The following TMEM182 variants were observed in gnomAD, a reference collection of about 807,000 sequenced individuals.
TMEM182 encodes transmembrane protein 182.
In TMEM182, 20 loss-of-function variants were observed where a neutral mutation model predicts 26.8. The observed-to-expected ratio is 0.75, with a 90% CI of 0.53 to 1.09. The LOEUF (loss-of-function observed/expected upper bound fraction) is 1.09, where lower values mean the gene tolerates loss of function less well. Ranked by LOEUF, TMEM182 falls within the 50% of genes least tolerant of loss-of-function variation. The pLI, the probability that TMEM182 is intolerant of heterozygous loss-of-function variation, is 0.00. For missense variants in TMEM182, 277 were observed against 275.5 expected (o/e 1.01, Z -0.04); for synonymous variants, 109 against 102.2 (o/e 1.07, Z -0.40).
intron 3 of TMEM182, among the ~76,000 whole-genome samples, chr2:102,841,767 T>G (rs1683356081): frequency 6.6e-6 from 1 of 152,164 alleles, no homozygotes; most frequent in African/African-American, 2.4e-5. Flanking sequence ...TTTGGACAGG[T>G]AGTTTTGTTC....
At chr2:102,736,972 C>A (rs907894385) in exon 1 of TMEM182, 12 of 799,536 alleles carry the variant, frequency 1.5e-5, no homozygotes, top group East Asian at 2.9e-5. Context: ...GCTGGGAGTT[C>A]TGGTCTCAGG....
chr2:102,777,837 T>A (rs979571315), intron 3 of TMEM182, among the ~76,000 whole-genome samples: 5 of 151,834 alleles, frequency 3.3e-5, no homozygotes, highest in Admixed American at 3.3e-4. Context: ...TTTCTGTCAT[T>A]GATTTCTAGT....
At chr2:102,755,338 A>G (rs1314892043) in intron 1 of TMEM182, among the ~76,000 whole-genome samples, 1 of 152,214 alleles carries the variant, frequency 6.6e-6, no homozygotes, top group Non-Finnish European at 1.5e-5. Flanking sequence ...AAAGTATTCC[A>G]AGCAGTGCAT....
intron 3 of TMEM182, among the ~76,000 whole-genome samples, chr2:102,796,027 G>A (rs1276586479): frequency 6.6e-6 from 1 of 152,156 alleles, no homozygotes; most frequent in Non-Finnish European, 1.5e-5. Flanking sequence ...GTGCAGACCT[G>A]TATTTAAAGC....
chr2:102,743,829 A>G (rs1398018237), intron 1 of TMEM182, among the ~76,000 whole-genome samples: 2 of 152,234 alleles, frequency 1.3e-5, no homozygotes, highest in Non-Finnish European at 2.9e-5. Context: ...AGTTCAGACA[A>G]GACGTATTTC....
chr2:102,838,687 A>G (rs1683294508), intron 3 of TMEM182, among the ~76,000 whole-genome samples: 1 of 152,164 alleles, frequency 6.6e-6, no homozygotes, highest in Non-Finnish European at 1.5e-5. Flanking sequence ...CGACCATTTT[A>G]AAAGTAGAAA....
intron 1 of TMEM182, among the ~76,000 whole-genome samples, chr2:102,747,486 G>A (rs1413031140): frequency 6.6e-6 from 1 of 152,224 alleles, no homozygotes; most frequent in Non-Finnish European, 1.5e-5. Context: ...TCTAGTCCAG[G>A]ATGATACTGA....
At chr2:102,748,503 G>A (rs1558750910) in intron 1 of TMEM182, among the ~76,000 whole-genome samples, 1 of 152,244 alleles carries the variant, frequency 6.6e-6, no homozygotes, top group Non-Finnish European at 1.5e-5. Context: ...CTGCAATGTG[G>A]TGGGTCCTAT....
intron 4 of TMEM182, among the ~76,000 whole-genome samples, chr2:102,813,622 G>A (rs896661097): frequency 2.0e-5 from 3 of 152,174 alleles, no homozygotes; most frequent in Non-Finnish European, 4.4e-5. Context: ...TCTGCCCAGC[G>A]GACCCTGGAG....
Position 102,768,536 on chromosome 2 carries a change from A to AAC in TMEM182, c.331+4117_331+4118dup, listed in dbSNP as rs1553438132. Among the ~76,000 whole-genome samples, 897 of 150,278 alleles carry AAC rather than the reference A, an allele frequency of 6.0e-3. 9 individuals carry two copies. Among genetic ancestry groups the AAC allele is most frequent in the Non-Finnish European group, 9.3e-3 (626 of 67,574 alleles). On this transcript the variant is annotated intron_variant, in intron 3 of 4. Transcript: ENST00000412401. ...TCCTATCTGTACTAAAAAAAAAAAA[A>AAC]ACACACACAAAAAAATTAGCCAGGA... is the stretch of plus-strand genomic sequence containing the variant.
intron 3 of TMEM182, among the ~76,000 whole-genome samples, chr2:102,774,385 A>G (rs1424941449): frequency 4.7e-5 from 7 of 149,852 alleles, no homozygotes; most frequent in Non-Finnish European, 1.0e-4. Context: ...CCTCCTGAGT[A>G]GCCGGGATTA....
At chr2:102,832,837 AT>A (rs767654378) in intron 3 of TMEM182, among the ~76,000 whole-genome samples, 1 of 152,192 alleles carries the variant, frequency 6.6e-6, no homozygotes, top group Non-Finnish European at 1.5e-5. Flanking sequence ...AATTTATACA[AT>A]GTGGTAATTT....
intron 3 of TMEM182, among the ~76,000 whole-genome samples, chr2:102,838,050 C>A (rs1041407190): frequency 6.6e-6 from 1 of 152,224 alleles, no homozygotes; most frequent in Non-Finnish European, 1.5e-5. Flanking sequence ...AACCCTACCC[C>A]GGAAGCTGGC....
At chr2:102,758,041 G>A (rs1156756022), upstream of TMEM182, among the ~76,000 whole-genome samples, 1 of 152,106 alleles carries the variant, frequency 6.6e-6, no homozygotes, top group African/African-American at 2.4e-5. Flanking sequence ...AGATTTGGGT[G>A]GGGACACAAA....
chr2:102,764,178 C>T (rs1680330384), intron 2 of TMEM182, 151 bp from the exon 3 acceptor site: 2 of 679,794 alleles, frequency 2.9e-6, no homozygotes, highest in Non-Finnish European at 2.5e-6. Context: ...AGAAGGCCTT[C>T]CTCCTCACAA....
chr2:102,781,136 G>A (rs1167549447), intron 3 of TMEM182, among the ~76,000 whole-genome samples: 1 of 152,146 alleles, frequency 6.6e-6, no homozygotes, highest in Non-Finnish European at 1.5e-5. Flanking sequence ...AGAAGGAATA[G>A]GGTCAAGTGT....
intron 3 of TMEM182, among the ~76,000 whole-genome samples, chr2:102,789,323 A>G (rs1425343489): frequency 6.6e-6 from 1 of 152,268 alleles, no homozygotes; most frequent in Admixed American, 6.5e-5. Context: ...GTACAACAAA[A>G]TCACTTATCA....
intron 3 of TMEM182, among the ~76,000 whole-genome samples, chr2:102,765,460 G>A (rs1332829919): frequency 6.6e-6 from 1 of 151,962 alleles, no homozygotes; most frequent in African/African-American, 2.4e-5. Flanking sequence ...CAAAGTCAAG[G>A]GATTATAAAA....
At chr2:102,783,970 T>A (rs1212598331) in intron 3 of TMEM182, among the ~76,000 whole-genome samples, 1 of 143,678 alleles carries the variant, frequency 7.0e-6, no homozygotes, top group Non-Finnish European at 1.6e-5. Context: ...GAGACACTCA[T>A]CTTACCCTGG....
Sources: gnomAD v4.1 joint callset for allele counts (sites outside exome capture counted in the v4.1 genomes callset) on GRCh38, gnomAD v4.1.1 for gene constraint, MANE v1.5 for transcripts, NCBI Gene and HGNC (gene_info 2026-07-23, HGNC 2026-07-21) for gene names.